The following SLC39A11 variants were observed in gnomAD, a reference collection of about 807,000 sequenced individuals.
SLC39A11 encodes zinc transporter ZIP11.
In SLC39A11, 33 loss-of-function variants were observed where a neutral mutation model predicts 36.1. The observed-to-expected ratio is 0.91, with a 90% CI of 0.69 to 1.22. The LOEUF (loss-of-function observed/expected upper bound fraction) is 1.22. Ranked by LOEUF, SLC39A11 falls within the 50% of genes most tolerant of loss-of-function variation. The pLI is 0.00. For missense variants in SLC39A11, 432 were observed against 430.3 expected (o/e 1.00, Z -0.03); for synonymous variants, 166 against 170.3 (o/e 0.97, Z 0.20).
At position 72,648,692 on chromosome 17, in the gene SLC39A11, G is replaced by A. The variant is rs182050573; in HGVS notation, c.929+111C>T. On this transcript the variant is annotated intron_variant, in intron 9 of 9. Transcript: ENST00000255559. ...GGGGATGATCTTGGGAAGGGGCAGA[G>A]AGGGGGAGGGAATAAGGAAAGGAAA... is the stretch of plus-strand genomic sequence containing the variant. 2.0e-4 allele frequency: 264 copies of A among 1,310,652 alleles called. 2 individuals carry two copies. In the East Asian group the frequency reaches 4.2e-3, roughly 21 times the overall value. The allele number at this position is 1,310,652 out of a possible 1,614,324, so 81.2% of individuals were successfully genotyped here. A position where few individuals can be genotyped will look rare whatever the true frequency, so the allele number is the denominator to read the frequency against.
At chr17:72,979,789 C>A (rs374515695) in intron 4 of SLC39A11, among the ~76,000 whole-genome samples, 1 of 152,188 alleles carries the variant, frequency 6.6e-6, no homozygotes, top group African/African-American at 2.4e-5. Flanking sequence ...TCAGATGATG[C>A]AGCTGGCAGA....
intron 3 of SLC39A11, among the ~76,000 whole-genome samples, chr17:73,080,245 G>C (rs1367415560): frequency 6.6e-6 from 1 of 152,116 alleles, no homozygotes; most frequent in Non-Finnish European, 1.5e-5. Context: ...TATACTTTAA[G>C]ACTACAGTCA....
At chr17:72,865,769 A>G (rs1356614106) in intron 5 of SLC39A11, among the ~76,000 whole-genome samples, 4 of 152,176 alleles carry the variant, frequency 2.6e-5, no homozygotes, top group African/African-American at 9.7e-5. Flanking sequence ...TTAAAACAAT[A>G]TAAAACAGCC....
intron 7 of SLC39A11, among the ~76,000 whole-genome samples, chr17:72,689,448 A>C (rs1165352959): frequency 1.3e-5 from 2 of 152,102 alleles, no homozygotes; most frequent in Admixed American, 1.3e-4. Context: ...CTGGGTATAC[A>C]CCATACAGAA....
At chr17:72,861,281 A>G (rs941017760) in intron 5 of SLC39A11, among the ~76,000 whole-genome samples, 7 of 152,280 alleles carry the variant, frequency 4.6e-5, no homozygotes, top group African/African-American at 1.2e-4. Context: ...GACATTTTCA[A>G]CCTTCAGAAA....
chr17:72,725,032 A>C (rs950250834), intron 7 of SLC39A11, among the ~76,000 whole-genome samples: 3 of 152,234 alleles, frequency 2.0e-5, no homozygotes, highest in African/African-American at 7.2e-5. Flanking sequence ...TAGGATGGTG[A>C]GAACCTGTTT....
At chr17:72,722,581 T>G (rs2073735830) in intron 7 of SLC39A11, among the ~76,000 whole-genome samples, 1 of 152,164 alleles carries the variant, frequency 6.6e-6, no homozygotes, top group African/African-American at 2.4e-5. Flanking sequence ...AGAAAGGACT[T>G]TGTTTTATCC....
At chr17:72,949,992 CACA>C (rs1275609619) in intron 4 of SLC39A11, among the ~76,000 whole-genome samples, 4 of 141,630 alleles carry the variant, frequency 2.8e-5, no homozygotes, top group African/African-American at 7.8e-5. Context: ...CACACACACA[CACA>C]CCCCTTCTTG....
At chr17:72,907,439 G>A (rs1460560093) in intron 5 of SLC39A11, among the ~76,000 whole-genome samples, 3 of 152,120 alleles carry the variant, frequency 2.0e-5, no homozygotes, top group Non-Finnish European at 2.9e-5. Flanking sequence ...GCAGTGAGCC[G>A]ATATCACACC....
chr17:72,968,070 G>C (rs1366436946), intron 4 of SLC39A11, among the ~76,000 whole-genome samples: 2 of 152,044 alleles, frequency 1.3e-5, no homozygotes, highest in African/African-American at 4.8e-5. Context: ...ATCCCGGCCT[G>C]GGAGCAACAA....
chr17:73,091,288 C>T (rs528583439), intron 1 of SLC39A11, among the ~76,000 whole-genome samples: 69 of 151,952 alleles, frequency 4.5e-4, no homozygotes, highest in African/African-American at 1.5e-3. Flanking sequence ...ATTACTTGGG[C>T]GTCGTGGTGT....
At chr17:72,903,171 CAGG>C (rs911667047) in intron 5 of SLC39A11, among the ~76,000 whole-genome samples, 3 of 147,624 alleles carry the variant, frequency 2.0e-5, no homozygotes, top group Non-Finnish European at 4.4e-5. Flanking sequence ...GGAACTGAAG[CAGG>C]AGAACTATTT....
intron 7 of SLC39A11, among the ~76,000 whole-genome samples, chr17:72,716,897 G>A (rs2073393282): frequency 6.6e-6 from 1 of 150,690 alleles, no homozygotes; most frequent in East Asian, 2.0e-4. Flanking sequence ...TGAACTCAGG[G>A]GGTGGAGGTT....
At chr17:73,016,864 A>G (rs552809483) in intron 4 of SLC39A11, among the ~76,000 whole-genome samples, 2 of 152,106 alleles carry the variant, frequency 1.3e-5, no homozygotes, top group Admixed American at 6.5e-5. Context: ...TTTTCATCCA[A>G]TTATGCTTAT....
intron 5 of SLC39A11, among the ~76,000 whole-genome samples, chr17:72,943,255 AT>A (rs2085231061): frequency 6.6e-6 from 1 of 152,226 alleles, no homozygotes; most frequent in Non-Finnish European, 1.5e-5. Context: ...CTGCAAGACC[AT>A]TTCCACAGGA....
intron 4 of SLC39A11, among the ~76,000 whole-genome samples, chr17:73,024,011 G>A (rs754963146): frequency 6.6e-6 from 1 of 152,352 alleles, no homozygotes; most frequent in Non-Finnish European, 1.5e-5. Flanking sequence ...CCAGAGCTGT[G>A]AGAAAATAAA....
At chr17:73,009,668 T>C (rs185921295) in intron 4 of SLC39A11, among the ~76,000 whole-genome samples, 350 of 152,280 alleles carry the variant, frequency 2.3e-3, no homozygotes, top group Non-Finnish European at 3.8e-3. Flanking sequence ...ATTATGAAGG[T>C]ACTAAATGTC....
At position 72,783,018 on chromosome 17, in the gene SLC39A11, A is replaced by AAAAAAAAAAAAAG. The variant is rs566022305; in HGVS notation, c.602-46300_602-46299insCTTTTTTTTTTTT. 4.4e-3 allele frequency among the ~76,000 whole-genome samples: 626 copies of AAAAAAAAAAAAAG among 142,342 alleles called. 30 individuals carry two copies. Among genetic ancestry groups the AAAAAAAAAAAAAG allele is most frequent in the African/African-American group, 0.017 (577 of 32,996 alleles). The allele number at this position is 142,342 out of a possible 152,430, so 93.4% of individuals were successfully genotyped here. A position where few individuals can be genotyped will look rare whatever the true frequency, so the allele number is the denominator to read the frequency against. On this transcript the variant is annotated intron_variant, in intron 6 of 9. Coordinates refer to ENST00000255559, the MANE Select transcript of SLC39A11 (RefSeq NM_139177.4). ...CTCTGTCTCAACAAAAAAAAAAAAA[A>AAAAAAAAAAAAAG]AAAAGAAAAAAGAAAAGAAAAGAAA...
At chr17:72,995,507 A>G (rs1353090471) in intron 4 of SLC39A11, among the ~76,000 whole-genome samples, 1 of 152,236 alleles carries the variant, frequency 6.6e-6, no homozygotes, top group African/African-American at 2.4e-5. Flanking sequence ...TGGTTCCAAA[A>G]GAGATTAGCA....
Sources: allele counts gnomAD v4.1 joint callset (sites outside exome capture counted in the v4.1 genomes callset), GRCh38; gene constraint gnomAD v4.1.1; transcripts MANE v1.5; gene names NCBI Gene and HGNC (gene_info 2026-07-23, HGNC 2026-07-21).